RUNX1: variants seen among roughly 807,000 people sequenced by gnomAD.
RUNX1 encodes the protein RUNX family transcription factor 1, also known as runt-related transcription factor 1.
Under a neutral mutation model 42.8 loss-of-function variants are expected in RUNX1, and 19 were observed. The observed-to-expected ratio is 0.44, with a 90% CI of 0.31 to 0.65. RUNX1 has a LOEUF of 0.65. RUNX1 is among the 30% of genes least tolerant of loss of function. The probability of loss-of-function intolerance (pLI) is 0.07; values close to 1 mark genes in which losing one functional copy is unlikely to be tolerated. For synonymous variants in RUNX1, 271 were observed against 289.4 expected (o/e 0.94, Z 0.64); for missense variants, 528 against 672.0 (o/e 0.79, Z 2.37).
chr21:34,887,091 T>C lies in RUNX1; in HGVS notation c.103A>G (p.Ser35Gly). ...MNPSRDVHDA[S>G]TSRRFTPPST... ...GGCGGCGTGAAGCGGCGGCTCGTGC[T>C]GGCATCTACGGGGATACGCATCACA... Residue 35 changes from serine to glycine, a missense_variant, in exon 4 of 9, where the codon AGC becomes GGC. Around this residue, in one of 3 missense-constraint regions of RUNX1, gnomAD observed 114 missense variants for 115.0 expected, o/e 0.99. Transcript: ENST00000675419. The C allele has an allele frequency of 1.9e-6, 3 of 1,598,168 alleles. No homozygotes were observed. Among genetic ancestry groups the C allele is most frequent in the Non-Finnish European group, 2.5e-6 (3 of 1,179,832 alleles).
chr21:35,046,092 G>A (rs1439240125), intron 2 of RUNX1, among the ~76,000 whole-genome samples: 6 of 152,154 alleles, frequency 3.9e-5, no homozygotes, highest in Admixed American at 1.3e-4. Flanking sequence ...GTTTGGGTTC[G>A]GCAAGAATTG....
At position 34,802,315 on chromosome 21, in the gene RUNX1, T is replaced by C. The variant is rs531847209; in HGVS notation, c.806-2853A>G. On this transcript the variant is annotated intron_variant, in intron 7 of 8. Transcript: ENST00000675419. ...ACAAAAGCTTATTGAACATTTACAGTGTGCCAGGAATGTGCTAATTTACCT... is the reference window on the plus strand; with the variant it reads ...ACAAAAGCTTATTGAACATTTACAGCGTGCCAGGAATGTGCTAATTTACCT... Among the ~76,000 whole-genome samples, 339 of 152,284 alleles carry C rather than the reference T, an allele frequency of 2.2e-3. 2 individuals are homozygous for C. The highest frequency in any genetic ancestry group is 2.7e-3 in the Non-Finnish European group (186 of 68,028).
rs1309755164 is a variant in RUNX1 at position 34,985,979 on chromosome 21, C to T, written c.58+62863G>A. 3.3e-5 allele frequency among the ~76,000 whole-genome samples: 5 copies of T among 150,118 alleles called. 1 individual carries two copies. In the South Asian group the frequency reaches 1.1e-3, roughly 32 times the overall value. On this transcript the variant is annotated intron_variant, in intron 2 of 8. Coordinates refer to ENST00000675419, the MANE Select transcript of RUNX1 (RefSeq NM_001754.5). ...CTCAACCTCCTAGGCTCAAGAGATA[C>T]TCCTTGTCTCAGCCTCCAAAGTAGC...
chr21:34,997,973 G>A (rs1242118227), intron 2 of RUNX1, among the ~76,000 whole-genome samples: 3 of 152,144 alleles, frequency 2.0e-5, no homozygotes, highest in African/African-American at 4.8e-5. Context: ...TGGGCTGAGC[G>A]TATGGTCACC....
chr21:34,822,585 A>C lies in RUNX1; in HGVS notation c.805+11825T>G, dbSNP rs537646805. On this transcript the variant is annotated intron_variant, in intron 7 of 8. Transcript: ENST00000675419. ...TGGACGACCAACAGAAGCGCATCTTAAAACTCAGGCAGTTATGGCTGTTCC... is the reference window on the plus strand; with the variant it reads ...TGGACGACCAACAGAAGCGCATCTTCAAACTCAGGCAGTTATGGCTGTTCC... Among the ~76,000 whole-genome samples the C allele has an allele frequency of 1.5e-4, 23 of 152,354 alleles. 1 individual carries two copies. The highest frequency in any genetic ancestry group is 9.8e-4 in the Admixed American group (15 of 15,306).
chr21:34,988,247 C>A (rs1043363324), intron 2 of RUNX1, among the ~76,000 whole-genome samples: 17 of 152,188 alleles, frequency 1.1e-4, no homozygotes, highest in African/African-American at 3.9e-4. Flanking sequence ...TACGGTCCTT[C>A]TTCCCTTGTA....
intron 6 of RUNX1, among the ~76,000 whole-genome samples, chr21:34,845,069 C>T (rs2057296909): frequency 6.6e-6 from 1 of 152,260 alleles, no homozygotes; most frequent in Non-Finnish European, 1.5e-5. Flanking sequence ...GTGCCAGAAG[C>T]AGCCACCTGC....
At chr21:34,889,048 C>G (rs934966879) in intron 3 of RUNX1, among the ~76,000 whole-genome samples, 1 of 151,310 alleles carries the variant, frequency 6.6e-6, no homozygotes, top group Non-Finnish European at 1.5e-5. Context: ...AGAAAGCAGG[C>G]CCCGCCGGCC....
At chr21:34,970,699 C>T (rs1249568386) in intron 2 of RUNX1, among the ~76,000 whole-genome samples, 2 of 152,222 alleles carry the variant, frequency 1.3e-5, no homozygotes, top group African/African-American at 4.8e-5. Flanking sequence ...AATCCCCACA[C>T]TAACCTTGTG....
chr21:35,025,822 G>A (rs764150056), intron 2 of RUNX1, among the ~76,000 whole-genome samples: 3 of 152,062 alleles, frequency 2.0e-5, no homozygotes, highest in Admixed American at 6.5e-5. Context: ...CGTTTCTAGG[G>A]GAGGAAAAGG....
chr21:34,991,334 C>T (rs568811580), intron 2 of RUNX1, among the ~76,000 whole-genome samples: 1 of 152,220 alleles, frequency 6.6e-6, no homozygotes, highest in African/African-American at 2.4e-5. Context: ...TCTGCCATGG[C>T]TCCCTCAGCC....
At chr21:35,022,507 T>C (rs2059206010) in intron 2 of RUNX1, among the ~76,000 whole-genome samples, 2 of 152,212 alleles carry the variant, frequency 1.3e-5, no homozygotes, top group Admixed American at 6.5e-5. Flanking sequence ...CTGATCACTA[T>C]AGTTCCTCTC....
intron 2 of RUNX1, among the ~76,000 whole-genome samples, chr21:34,982,188 C>T (rs751353045): frequency 2.6e-5 from 4 of 152,168 alleles, no homozygotes; most frequent in South Asian, 4.1e-4. Context: ...AACTATAAAT[C>T]GCTACCATCT....
At chr21:34,833,539 G>A (rs1004730512) in intron 7 of RUNX1, 3 of 152,712 alleles carry the variant, frequency 2.0e-5, no homozygotes, top group African/African-American at 7.2e-5. Context: ...TGTCCGAGAG[G>A]GGCAAAGAGC....
At chr21:34,924,259 C>T (rs1433008394) in intron 2 of RUNX1, among the ~76,000 whole-genome samples, 2 of 152,180 alleles carry the variant, frequency 1.3e-5, no homozygotes, top group African/African-American at 4.8e-5. Flanking sequence ...TCTTTGATGA[C>T]CACTTGCTAA....
intron 4 of RUNX1, among the ~76,000 whole-genome samples, chr21:34,881,681 T>C (rs985929901): frequency 6.6e-6 from 1 of 152,234 alleles, no homozygotes; most frequent in Non-Finnish European, 1.5e-5. Context: ...TGAAGTCTTA[T>C]CAGGGCTATT....
chr21:35,006,409 C>CCT (rs1055869438), intron 2 of RUNX1, among the ~76,000 whole-genome samples: 13 of 152,124 alleles, frequency 8.5e-5, no homozygotes, highest in Non-Finnish European at 1.9e-4. Context: ...TCTCTCTCCC[C>CCT]CTCTCTCTCT....
In RUNX1 at chr21:34,792,496, G is replaced by C. The variant is rs1017287894; in HGVS notation, c.1082C>G (p.Thr361Ser). The C allele has an allele frequency of 6.3e-7, 1 of 1,596,838 alleles. No individual in the cohort carries two copies. Among genetic ancestry groups the C allele is most frequent in the Non-Finnish European group, 8.5e-7 (1 of 1,171,768 alleles). The stretch of plus-strand genomic sequence containing the variant: ...CGACATGCCGATGCCGATGCCCGAG[G>C]TGACCGGCGTCGGGGAGTAGGTGAA... ...GAFTYSPTPVTSGIGIGMSAM... is the reference protein window; with the variant it reads ...GAFTYSPTPVSSGIGIGMSAM... The change falls in exon 9 of 9, where the codon ACC becomes AGC. Residue 361 changes from threonine (T) to serine (S), a missense_variant. Physicochemically the swap from Thr to Ser is moderately conservative, Grantham distance 58. Transcript: ENST00000675419. This position sits in a 1 kb window ranked among gnomAD's most constrained non-coding sequence, Gnocchi z 6.9.
intron 2 of RUNX1, among the ~76,000 whole-genome samples, chr21:35,005,177 C>A (rs1056108981): frequency 6.6e-6 from 1 of 151,796 alleles, no homozygotes; most frequent in Non-Finnish European, 1.5e-5. Context: ...AATATGCTTA[C>A]CCAATGTGAT....
Sources: allele counts gnomAD v4.1 joint callset (sites outside exome capture counted in the v4.1 genomes callset), GRCh38; gene constraint gnomAD v4.1.1; regional missense constraint gnomAD v4.1.1; non-coding constraint Gnocchi (gnomAD v3.1); transcripts MANE v1.5; gene names NCBI Gene and HGNC (gene_info 2026-07-23, HGNC 2026-07-21).